DTNB: variants seen among roughly 807,000 people sequenced by gnomAD.
DTNB encodes the protein dystrobrevin beta.
Under a neutral mutation model 90.7 loss-of-function variants are expected in DTNB, and 63 were observed. The ratio of observed to expected loss-of-function variants is 0.69; its 90% CI spans 0.57 to 0.86. The LOEUF (loss-of-function observed/expected upper bound fraction) is 0.86. Among genes scored for constraint, DTNB ranks in the 40% least tolerant of loss-of-function variants. DTNB has a pLI of 0.00. For synonymous variants in DTNB, 277 were observed against 286.7 expected (o/e 0.97, Z 0.34); for missense variants, 744 against 807.1 (o/e 0.92, Z 0.95).
chr2:25,442,772 A>C (rs1342560158), intron 12 of DTNB, among the ~76,000 whole-genome samples: 2 of 152,214 alleles, frequency 1.3e-5, no homozygotes, highest in Non-Finnish European at 2.9e-5. Flanking sequence ...TTTGAATCTC[A>C]AATCTAGCTG....
At chr2:25,493,441 C>A (rs1009460210) in intron 9 of DTNB, among the ~76,000 whole-genome samples, 5 of 152,094 alleles carry the variant, frequency 3.3e-5, no homozygotes, top group African/African-American at 1.2e-4. Flanking sequence ...AAATGTAAAA[C>A]CCACCCTATA....
At chr2:25,552,841 ATTTTTTTTTTTTTTTTT>A (rs544243784) in intron 8 of DTNB, among the ~76,000 whole-genome samples, 1 of 86,036 alleles carries the variant, frequency 1.2e-5, no homozygotes, top group African/African-American at 4.2e-5. Context: ...TCTCTTTTTG[ATTTTTTTTTTTTTTTTT>A]TTTTTTTTTT....
chr2:25,651,877 G>A (rs1322908199), intron 2 of DTNB, among the ~76,000 whole-genome samples: 32 of 151,858 alleles, frequency 2.1e-4, no homozygotes, highest in Admixed American at 2.0e-3. Context: ...TTTCACTGGG[G>A]GAAAAAAAGA....
intron 16 of DTNB, among the ~76,000 whole-genome samples, chr2:25,405,948 AG>A (rs1453498326): frequency 2.0e-5 from 3 of 152,096 alleles, no homozygotes; most frequent in African/African-American, 7.2e-5. Context: ...CAGATAATGG[AG>A]GCTGGAATGG....
intron 6 of DTNB, among the ~76,000 whole-genome samples, chr2:25,586,257 T>C (rs1411479896): frequency 6.6e-6 from 1 of 152,122 alleles, no homozygotes; most frequent in East Asian, 1.9e-4. Context: ...ACACCTATAA[T>C]CCCAACACTT....
chr2:25,415,687 A>C (rs1214702087), intron 16 of DTNB, among the ~76,000 whole-genome samples: 1 of 152,136 alleles, frequency 6.6e-6, no homozygotes, highest in Non-Finnish European at 1.5e-5. Flanking sequence ...CCAATGAATG[A>C]ATCAATCATG....
rs533249487 is a variant in DTNB at position 25,385,004 on chromosome 2, G to A, written c.1826-1115C>T. Among the ~76,000 whole-genome samples, 250 of 151,624 alleles carry A rather than the reference G, an allele frequency of 1.6e-3. 2 individuals carry two copies. The highest frequency in any genetic ancestry group is 0.01 in the Middle Eastern group (3 of 290). On this transcript the variant is annotated intron_variant, in intron 18 of 20. Coordinates refer to ENST00000406818, the MANE Select transcript of DTNB (RefSeq NM_021907.5). ...AGCGATTCTCCTGCCTCAGCCTCCC[G>A]AGTAGCTGGGATTACAGACATGCAC...
At chr2:25,621,178 T>C (rs185527339) in intron 4 of DTNB, among the ~76,000 whole-genome samples, 1 of 152,332 alleles carries the variant, frequency 6.6e-6, no homozygotes, top group African/African-American at 2.4e-5. Context: ...CACCAACATA[T>C]GAAATGTCTG....
intron 10 of DTNB, among the ~76,000 whole-genome samples, chr2:25,466,073 G>A (rs2061720651): frequency 6.6e-6 from 1 of 152,100 alleles, no homozygotes; most frequent in South Asian, 2.1e-4. Flanking sequence ...GGTGGCTCAC[G>A]CTTGTAATCC....
At chr2:25,432,215 A>AC (rs932644391) in intron 14 of DTNB, among the ~76,000 whole-genome samples, 1 of 148,096 alleles carries the variant, frequency 6.8e-6, no homozygotes, top group Non-Finnish European at 1.5e-5. Flanking sequence ...GTACACACAC[A>AC]CACACACACA....
At chr2:25,620,798 C>T (rs1403572345) in intron 4 of DTNB, among the ~76,000 whole-genome samples, 3 of 152,106 alleles carry the variant, frequency 2.0e-5, no homozygotes, top group African/African-American at 7.2e-5. Context: ...AAAACCCTGT[C>T]TCTACAAAAA....
At chr2:25,418,661 T>C (rs959460237) in intron 16 of DTNB, among the ~76,000 whole-genome samples, 2 of 150,914 alleles carry the variant, frequency 1.3e-5, no homozygotes, top group Non-Finnish European at 2.9e-5. Flanking sequence ...ATCATGCCAC[T>C]GTACTCTGGC....
At chr2:25,552,048 A>AT (rs1174386937) in intron 8 of DTNB, among the ~76,000 whole-genome samples, 1 of 152,234 alleles carries the variant, frequency 6.6e-6, no homozygotes, top group Non-Finnish European at 1.5e-5. Flanking sequence ...ATAACTGCTC[A>AT]TATCTCTCTG....
intron 1 of DTNB, among the ~76,000 whole-genome samples, chr2:25,657,304 T>TA (rs1326417921): frequency 6.6e-6 from 1 of 151,986 alleles, no homozygotes; most frequent in Non-Finnish European, 1.5e-5. Flanking sequence ...AAAAAATAGT[T>TA]AGATTTTATC....
intron 12 of DTNB, among the ~76,000 whole-genome samples, chr2:25,448,657 A>G (rs1295117403): frequency 6.6e-6 from 1 of 152,114 alleles, no homozygotes; most frequent in Non-Finnish European, 1.5e-5. Context: ...GATCGAGACC[A>G]TCCTGGCTAA....
intron 10 of DTNB, among the ~76,000 whole-genome samples, chr2:25,473,851 C>T (rs1489015773): frequency 6.6e-6 from 1 of 152,224 alleles, no homozygotes; most frequent in African/African-American, 2.4e-5. Context: ...TCCCAGCATC[C>T]CACAAGCATC....
rs377233405 is a variant in DTNB, at chr2:25,642,196, C to T, written c.68-3102G>A. Among the ~76,000 whole-genome samples, 10 of 151,974 alleles carry T rather than the reference C, an allele frequency of 6.6e-5. No individual in the cohort carries two copies. In the East Asian group the frequency reaches 7.7e-4, roughly 12 times the overall value. Reference sequence around the variant, plus strand: ...ACAGCCAATTTGGCATGCCTGTGCACGTGTGTGTGTATATGTGTATGTGTG... The same window carrying T: ...ACAGCCAATTTGGCATGCCTGTGCATGTGTGTGTGTATATGTGTATGTGTG... On this transcript the variant is annotated intron_variant, in intron 2 of 20. Coordinates refer to ENST00000406818, the MANE Select transcript of DTNB (RefSeq NM_021907.5).
chr2:25,393,031 T>C (rs939205233), intron 16 of DTNB, among the ~76,000 whole-genome samples: 3 of 152,134 alleles, frequency 2.0e-5, no homozygotes, highest in Non-Finnish European at 4.4e-5. Flanking sequence ...AAAAAGATAA[T>C]CCACCATGAT....
intron 8 of DTNB, among the ~76,000 whole-genome samples, chr2:25,565,501 G>A (rs2058889973): frequency 1.3e-5 from 2 of 151,982 alleles, no homozygotes; most frequent in Non-Finnish European, 2.9e-5. Context: ...TCTCCCTCCT[G>A]AGTCTCTCGA....
Sources: gnomAD v4.1 joint callset for allele counts (sites outside exome capture counted in the v4.1 genomes callset) on GRCh38, gnomAD v4.1.1 for gene constraint, MANE v1.5 for transcripts, NCBI Gene and HGNC (gene_info 2026-07-23, HGNC 2026-07-21) for gene names.